The following SETBP1 variants were observed in gnomAD, a reference collection of about 807,000 sequenced individuals.
SETBP1 encodes SET-binding protein.
In SETBP1, 9 loss-of-function variants were observed where a neutral mutation model predicts 101.0. The ratio of observed to expected loss-of-function variants is 0.09; its 90% CI spans 0.05 to 0.16. The LOEUF (loss-of-function observed/expected upper bound fraction) is 0.16, where lower values mean the gene tolerates loss of function less well. SETBP1 is among the 10% of genes least tolerant of loss of function. The pLI is 1.00. For synonymous variants in SETBP1, 818 were observed against 788.5 expected (o/e 1.04, Z -0.63); for missense variants, 1,858 against 2,033.8 (o/e 0.91, Z 1.66).
chr18:44,972,230 T>C (rs541661479), intron 4 of SETBP1, among the ~76,000 whole-genome samples: 26 of 152,344 alleles, frequency 1.7e-4, no homozygotes, highest in African/African-American at 6.0e-4. Context: ...GTTCCATTGG[T>C]CTATATCTCT....
At chr18:44,927,706 G>T (rs1361482602) in intron 3 of SETBP1, among the ~76,000 whole-genome samples, 3 of 152,156 alleles carry the variant, frequency 2.0e-5, no homozygotes, top group Non-Finnish European at 1.5e-5. Flanking sequence ...TGTCACTGTG[G>T]TTATCAGTGA....
intron 3 of SETBP1, among the ~76,000 whole-genome samples, chr18:44,897,003 T>C (rs1395866741): frequency 6.6e-6 from 1 of 152,226 alleles, no homozygotes; most frequent in Non-Finnish European, 1.5e-5. Flanking sequence ...TTTACCCAGC[T>C]GTCGCCCAGA....
intron 4 of SETBP1, among the ~76,000 whole-genome samples, chr18:45,033,258 A>G (rs2073333236): frequency 6.6e-6 from 1 of 152,218 alleles, no homozygotes; most frequent in South Asian, 2.1e-4. Flanking sequence ...TACTTGTTAT[A>G]GGGAAAGAAA....
intron 5 of SETBP1, among the ~76,000 whole-genome samples, chr18:45,060,742 C>CTGTT (rs1319235660): frequency 6.6e-6 from 1 of 152,020 alleles, no homozygotes; most frequent in South Asian, 2.1e-4. Flanking sequence ...TGCTAGGTTT[C>CTGTT]TGTTTATTTA....
At chr18:45,045,116 T>C (rs1036522200) in intron 5 of SETBP1, among the ~76,000 whole-genome samples, 1 of 149,570 alleles carries the variant, frequency 6.7e-6, no homozygotes, top group African/African-American at 2.5e-5. Flanking sequence ...ACCCCGTCTT[T>C]ACTAAAAAAA....
intron 5 of SETBP1, among the ~76,000 whole-genome samples, chr18:45,050,580 A>C (rs1244917279): frequency 1.3e-5 from 2 of 152,214 alleles, no homozygotes; most frequent in Non-Finnish European, 2.9e-5. Context: ...GATAGTCTTC[A>C]TGAGACAATC....
At chr18:44,869,609 T>A in intron 3 of SETBP1, 1 of 368,224 alleles carries the variant, frequency 2.7e-6, no homozygotes. Flanking sequence ...GTGGGTTGGG[T>A]TTGGGGTTCT....
intron 2 of SETBP1, among the ~76,000 whole-genome samples, chr18:44,742,879 G>C (rs1278153644): frequency 6.6e-6 from 1 of 151,890 alleles, no homozygotes; most frequent in Non-Finnish European, 1.5e-5. Flanking sequence ...CCGGGACTCT[G>C]GCCAAGGAAC....
chr18:45,013,777 C>G (rs1490986810), intron 4 of SETBP1, among the ~76,000 whole-genome samples: 1 of 152,166 alleles, frequency 6.6e-6, no homozygotes, highest in Non-Finnish European at 1.5e-5. Flanking sequence ...CGGCTGTGCC[C>G]TGTGTCAGTT....
intron 4 of SETBP1, among the ~76,000 whole-genome samples, chr18:44,962,453 G>A (rs976594550): frequency 2.0e-5 from 3 of 152,124 alleles, no homozygotes; most frequent in Non-Finnish European, 4.4e-5. Context: ...GAGATGTTTT[G>A]AGCTTGGTGC....
At chr18:45,029,354 C>A (rs1375709824) in intron 4 of SETBP1, among the ~76,000 whole-genome samples, 1 of 151,892 alleles carries the variant, frequency 6.6e-6, no homozygotes, top group Non-Finnish European at 1.5e-5. Context: ...GGGCTCTGTT[C>A]TGTTCCATTG....
At chr18:44,782,678 A>G (rs1440456005) in intron 2 of SETBP1, among the ~76,000 whole-genome samples, 1 of 152,174 alleles carries the variant, frequency 6.6e-6, no homozygotes, top group Non-Finnish European at 1.5e-5. Flanking sequence ...CAGTCAACCC[A>G]CAGGGATTGA....
chr18:45,028,495 G>A (rs2073219456), intron 4 of SETBP1, among the ~76,000 whole-genome samples: 2 of 152,098 alleles, frequency 1.3e-5, no homozygotes, highest in African/African-American at 4.8e-5. Flanking sequence ...CTTTATAGCA[G>A]CATGATTTAT....
At chr18:45,044,960 G>T (rs1299980451) in intron 5 of SETBP1, among the ~76,000 whole-genome samples, 1 of 152,124 alleles carries the variant, frequency 6.6e-6, no homozygotes, top group Non-Finnish European at 1.5e-5. Context: ...TTGCTTCTTT[G>T]CTGGGCAAAA....
At chr18:44,834,573 G>A (rs757482022) in intron 2 of SETBP1, among the ~76,000 whole-genome samples, 6 of 152,162 alleles carry the variant, frequency 3.9e-5, no homozygotes, top group Non-Finnish European at 7.4e-5. Flanking sequence ...CACAGAGCAG[G>A]AGAAGAAGGG....
At chr18:45,055,107 T>C (rs2073786901) in intron 5 of SETBP1, among the ~76,000 whole-genome samples, 1 of 152,238 alleles carries the variant, frequency 6.6e-6, no homozygotes, top group Non-Finnish European at 1.5e-5. Context: ...GTTCTTTGTT[T>C]TGAAGGGTAT....
chr18:45,037,803 C>A (rs1296009863), intron 4 of SETBP1, among the ~76,000 whole-genome samples: 2 of 152,164 alleles, frequency 1.3e-5, no homozygotes, highest in African/African-American at 4.8e-5. Flanking sequence ...GCTCTCCTTA[C>A]CCTACAGGCT....
chr18:44,841,909 G>A lies in SETBP1; in HGVS notation c.487-27321G>A, dbSNP rs16978196. Reference sequence around the variant, plus strand: ...AGCAGCACATCATATAATTTTCCCCGAAGGCTTGTTGCAGCCTATGTCGAG... The same window carrying A: ...AGCAGCACATCATATAATTTTCCCCAAAGGCTTGTTGCAGCCTATGTCGAG... On this transcript the variant is annotated intron_variant, in intron 2 of 5. Coordinates refer to ENST00000649279, the MANE Select transcript of SETBP1 (RefSeq NM_015559.3). Among the ~76,000 whole-genome samples, 811 of 152,296 alleles carry A rather than the reference G, an allele frequency of 5.3e-3. 8 individuals carry two copies. Among genetic ancestry groups the A allele is most frequent in the African/African-American group, 0.018 (747 of 41,548 alleles).
intron 3 of SETBP1, among the ~76,000 whole-genome samples, chr18:44,924,567 C>A (rs541248510): frequency 1.3e-5 from 2 of 152,208 alleles, no homozygotes; most frequent in Non-Finnish European, 1.5e-5. Flanking sequence ...ACAGTGAATG[C>A]ACTAGAAACC....
Sources: gnomAD v4.1 joint callset for allele counts (sites outside exome capture counted in the v4.1 genomes callset) on GRCh38, gnomAD v4.1.1 for gene constraint, MANE v1.5 for transcripts, NCBI Gene and HGNC (gene_info 2026-07-23, HGNC 2026-07-21) for gene names.